The following NVL variants were observed in gnomAD, a reference collection of about 807,000 sequenced individuals.
The protein encoded by NVL is nuclear VCP like, also known as nuclear valosin-containing protein-like.
NVL carries 84 observed loss-of-function variants against 110.2 expected under a neutral mutation model. That is an observed-to-expected ratio of 0.76 (90% CI 0.64 to 0.91). The LOEUF is 0.91. Among genes scored for constraint, NVL ranks in the 40% least tolerant of loss-of-function variants. NVL has a pLI of 0.00. For missense variants in NVL, 882 were observed against 1,035.9 expected, an observed-to-expected ratio of 0.85 and a Z score of 2.04; for synonymous variants, 354 against 361.1, an observed-to-expected ratio of 0.98 and a Z score of 0.22.
chr1:224,241,864 A>AG (rs891809253), intron 19 of NVL, among the ~76,000 whole-genome samples: 3 of 150,614 alleles, frequency 2.0e-5, no homozygotes, highest in Non-Finnish European at 4.4e-5. Context: ...CTCAAAAAAA[A>AG]AAAAATAAAA....
chr1:224,318,123 T>TC (rs1670273271), intron 2 of NVL, among the ~76,000 whole-genome samples, 193 bp from the exon 3 acceptor site: 1 of 151,944 alleles, frequency 6.6e-6, no homozygotes, highest in Non-Finnish European at 1.5e-5. Context: ...TCCCCCTTTT[T>TC]TAAACTAACC....
At chr1:224,246,956 T>C (rs1018698307) in intron 19 of NVL, among the ~76,000 whole-genome samples, 39 of 151,448 alleles carry the variant, frequency 2.6e-4, no homozygotes, top group African/African-American at 5.8e-4. Context: ...GTAGGAGATA[T>C]GCTTGAACCC....
chr1:224,281,299 G>GTGTA, intron 15 of NVL, 114 bp from the exon 16 acceptor site: 1 of 784,698 alleles, frequency 1.3e-6, no homozygotes, highest in Non-Finnish European at 2.2e-6. Context: ...GTGTGTGTGT[G>GTGTA]TGTGTGTGTG....
intron 15 of NVL, among the ~76,000 whole-genome samples, chr1:224,285,819 T>C (rs992092998): frequency 1.3e-5 from 2 of 152,202 alleles, no homozygotes; most frequent in African/African-American, 4.8e-5. Flanking sequence ...GATAGGATTA[T>C]GGTTGATATA....
intron 9 of NVL, among the ~76,000 whole-genome samples, chr1:224,301,262 C>T (rs1420342635): frequency 1.3e-5 from 2 of 152,106 alleles, no homozygotes; most frequent in African/African-American, 4.8e-5. Context: ...TAGGGCTGAG[C>T]CAAAGCAATT....
intron 19 of NVL, among the ~76,000 whole-genome samples, chr1:224,241,011 A>C (rs1471010175): frequency 2.0e-5 from 3 of 151,842 alleles, no homozygotes; most frequent in African/African-American, 7.3e-5. Flanking sequence ...GGCTGGTCTC[A>C]AACTCCTGAC....
chr1:224,247,067 A>AAC (rs1661924628), intron 19 of NVL, among the ~76,000 whole-genome samples: 2 of 149,806 alleles, frequency 1.3e-5, no homozygotes, highest in South Asian at 2.1e-4. Context: ...AAAAAAAAAA[A>AAC]AAAAAAACAG....
At chr1:224,263,661 A>T (rs544109036) in intron 18 of NVL, among the ~76,000 whole-genome samples, 1 of 152,216 alleles carries the variant, frequency 6.6e-6, no homozygotes, top group South Asian at 2.1e-4. Context: ...TGTGTCTCAA[A>T]TTTTACCACT....
intron 4 of NVL, among the ~76,000 whole-genome samples, chr1:224,315,651 G>A (rs1669991744): frequency 6.6e-6 from 1 of 152,142 alleles, no homozygotes; most frequent in Admixed American, 6.5e-5. Flanking sequence ...ATGGTATAAA[G>A]ACATTGGAAA....
chr1:224,308,158 T>C lies in NVL; in HGVS notation c.448A>G (p.Thr150Ala). The C allele has an allele frequency of 6.2e-7, 1 of 1,614,104 alleles. No individual in the cohort carries two copies. Among genetic ancestry groups the C allele is most frequent in the Non-Finnish European group, 8.5e-7 (1 of 1,180,012 alleles). Reference sequence around the variant, plus strand: ...CCTGTTTTGGAACTTATCCGTGGTGTTGAAGAGGTGGTTTCTCTTTGCTCC... The same window carrying C: ...CCTGTTTTGGAACTTATCCGTGGTGCTGAAGAGGTGGTTTCTCTTTGCTCC... ...EMEQRETTSS[T>A]PRISSKTGSI... is the part of the protein sequence containing the mutation. The change falls in exon 6 of 23, where the codon ACA becomes GCA. Residue 150 changes from threonine to alanine, a missense_variant. Transcript: ENST00000281701.
intron 2 of NVL, among the ~76,000 whole-genome samples, chr1:224,319,716 C>G (rs962308509): frequency 2.0e-5 from 3 of 152,070 alleles, no homozygotes; most frequent in African/African-American, 7.2e-5. Context: ...ACATTTTTAG[C>G]AAGACCATCT....
Position 224,300,561 on chromosome 1 carries a change from C to CT in NVL, c.1062_1062+1insA (p.Ser355IlefsTer10). On this transcript the variant is annotated frameshift_variant and splice_region_variant. Coordinates refer to ENST00000281701, the MANE Select transcript of NVL (RefSeq NM_002533.4). LOFTEE classifies it high-confidence loss of function. The stretch of plus-strand genomic sequence containing the variant: ...CTGGCATTAGTCATTAACTGACTCA[C>CT]CACAGCTTGCTCAAATAGTTCTCTC... 1 of 1,612,314 alleles carries CT rather than the reference C, an allele frequency of 6.2e-7. No homozygotes were observed. Among genetic ancestry groups the CT allele is most frequent in the Non-Finnish European group, 8.5e-7 (1 of 1,178,602 alleles).
intron 18 of NVL, among the ~76,000 whole-genome samples, chr1:224,262,174 T>A (rs1445486119): frequency 1.3e-5 from 2 of 151,976 alleles, no homozygotes; most frequent in African/African-American, 4.8e-5. Flanking sequence ...ATCCAAGTGC[T>A]AAGCACACAA....
chr1:224,231,791 C>G (rs1659903894), intron 21 of NVL, among the ~76,000 whole-genome samples: 1 of 151,772 alleles, frequency 6.6e-6, no homozygotes, highest in African/African-American at 2.4e-5. Context: ...CTTTGGGAGG[C>G]CGAGGTGGGC....
chr1:224,305,119 G>A lies in NVL; in HGVS notation c.663C>T (p.Gly221=). 6.2e-7 allele frequency: 1 copy of A among 1,613,388 alleles called. No individual in the cohort carries two copies. The highest frequency in any genetic ancestry group is 8.5e-7 in the Non-Finnish European group (1 of 1,179,764). ...TTTTGCTTCCTTTATTCTTTAGCTT[G>A]CCTTTCCGTTTCATATCACTCTCCA... ...SLLESDMKRK[G]KLKNKGSKRK... The change falls in exon 7 of 23, where the codon GGC becomes GGT. Residue 221 remains glycine, a synonymous_variant. Transcript: ENST00000281701.
intron 13 of NVL, 47 bp from the exon 14 acceptor site, chr1:224,288,040 A>G (rs746706583): frequency 1.4e-6 from 2 of 1,390,402 alleles, no homozygotes; most frequent in South Asian, 2.4e-5. Flanking sequence ...ACACCACAAC[A>G]GCTATTGAAA....
intron 18 of NVL, among the ~76,000 whole-genome samples, chr1:224,267,396 A>T (rs1664594920): frequency 6.6e-6 from 1 of 152,162 alleles, no homozygotes; most frequent in Non-Finnish European, 1.5e-5. Context: ...TGTGGTCAAA[A>T]GTGTATGCTG....
chr1:224,287,574 A>T (rs1666985788), intron 14 of NVL, among the ~76,000 whole-genome samples: 1 of 152,192 alleles, frequency 6.6e-6, no homozygotes, highest in African/African-American at 2.4e-5. Context: ...ACATCAATTT[A>T]AAAAAATAAA....
chr1:224,282,005 G>A (rs1666399141), intron 15 of NVL, among the ~76,000 whole-genome samples: 1 of 150,316 alleles, frequency 6.7e-6, no homozygotes, highest in Admixed American at 6.6e-5. Context: ...ATGGATAAAG[G>A]GAAAATCAAA....
Sources: gnomAD v4.1 joint callset for allele counts (sites outside exome capture counted in the v4.1 genomes callset) on GRCh38, gnomAD v4.1.1 for gene constraint, MANE v1.5 for transcripts, NCBI Gene and HGNC (gene_info 2026-07-23, HGNC 2026-07-21) for gene names.